ZNF778: variants seen among roughly 807,000 people sequenced by gnomAD.
ZNF778 encodes zinc finger protein 778.
Under a neutral mutation model 23.9 loss-of-function variants are expected in ZNF778, and 37 were observed. The ratio of observed to expected loss-of-function variants is 1.54; its 90% CI spans 1.19 to 2.03. ZNF778 has a LOEUF of 2.03. Ranked by LOEUF, ZNF778 falls within the 30% of genes most tolerant of loss-of-function variation. The pLI is 0.00. For missense variants in ZNF778, 1,297 were observed against 934.4 expected (o/e 1.39, Z -5.06); for synonymous variants, 483 against 343.9 (o/e 1.40, Z -4.48).
rs751738865 is a variant in ZNF778 at position 89,232,844 on chromosome 16, C to G, written c.*4282C>G. The G allele has an allele frequency of 1.6e-6, 2 of 1,288,942 alleles. No individual in the cohort carries two copies. The highest frequency in any genetic ancestry group is 3.0e-5 in the African/African-American group (2 of 65,778). 79.8% of individuals were successfully genotyped at this position (1,288,942 alleles called of 1,614,324 possible). A position where few individuals can be genotyped will look rare whatever the true frequency, so the allele number is the denominator to read the frequency against. ...CTCACACCGTATATGCAACTCAACT[C>G]ACACCGTGTATGCAAATCAACTCGC... On this transcript the variant is annotated 3_prime_UTR_variant, in exon 7 of 7. Coordinates refer to ENST00000433976, the MANE Select transcript of ZNF778 (RefSeq NM_001201407.2).
Position 89,227,564 on chromosome 16 carries a change from T to G in ZNF778, c.1276T>G (p.Cys426Gly), listed in dbSNP as rs778574928. ...AATAAAACCCTATACATGCAGCTAC[T>G]GTGGGAAGGCCTTCACTGTGCGCTG... ...TGIKPYTCSY[C>G]GKAFTVRCGL... Residue 426 changes from cysteine (C) to glycine (G), a missense_variant, in exon 7 of 7, where the codon TGT (cysteine) becomes GGT (glycine). Cys to Gly is a radical substitution (Grantham distance 159). Transcript: ENST00000433976. 1 of 1,614,196 alleles carries G rather than the reference T, an allele frequency of 6.2e-7. No individual in the cohort carries two copies. The highest frequency in any genetic ancestry group is 1.7e-5 in the Admixed American group (1 of 60,030).
intron 2 of ZNF778, 135 bp from the exon 3 acceptor site, chr16:89,221,957 G>C (rs757912490): frequency 1.9e-5 from 11 of 572,712 alleles, no homozygotes; most frequent in African/African-American, 3.8e-5. Context: ...CTGTATATCT[G>C]TGTGTGTGCG....
chr16:89,233,001 C>T lies in ZNF778; in HGVS notation c.*4439C>T, dbSNP rs986806722. 2.4e-6 allele frequency: 3 copies of T among 1,267,740 alleles called. No homozygotes were observed. The allele number at this position is 1,267,740 out of a possible 1,614,324, so 78.5% of individuals were successfully genotyped here. ...AGCTCGCTCTGCGTATGCAACCCAGCTCGCTCTGCGTATGCAACTCAAGTC... is the reference window on the plus strand; with the variant it reads ...AGCTCGCTCTGCGTATGCAACCCAGTTCGCTCTGCGTATGCAACTCAAGTC... On this transcript the variant is annotated 3_prime_UTR_variant, in exon 7 of 7. Coordinates refer to ENST00000433976, the MANE Select transcript of ZNF778 (RefSeq NM_001201407.2).
chr16:89,222,303 G>A (rs556535861), intron 3 of ZNF778, 120 bp downstream of exon 3: 21 of 585,686 alleles, frequency 3.6e-5, no homozygotes, highest in Middle Eastern at 4.5e-4. Context: ...CTAGTTGAAC[G>A]CCTCCAGGGA....
At position 89,225,429 on chromosome 16, in the gene ZNF778, C is replaced by T. The variant is rs1330492979; in HGVS notation, c.329-126C>T. The T allele has an allele frequency of 4.2e-6, 3 of 707,938 alleles. No individual in the cohort carries two copies. In the African/African-American group the frequency reaches 5.4e-5, roughly 13 times the overall value. The allele number at this position is 707,938 out of a possible 1,614,324, so 43.9% of individuals were successfully genotyped here. ...ATTATGACTCCCAGTTCCTATGATT[C>T]CAAATTTTACACATAGCCAAACTCC... On this transcript the variant is annotated intron_variant, in intron 5 of 6. Coordinates refer to ENST00000433976, the MANE Select transcript of ZNF778 (RefSeq NM_001201407.2).
intron 1 of ZNF778, chr16:89,218,456 C>T (rs559217802): frequency 6.6e-6 from 1 of 152,208 alleles, no homozygotes; most frequent in Non-Finnish European, 1.5e-5. Context: ...AGGGTAAGGA[C>T]ATTATCCTAC....
chr16:89,235,001 C>T lies in ZNF778; in HGVS notation c.*6439C>T, dbSNP rs1420028890. On this transcript the variant is annotated 3_prime_UTR_variant, in exon 7 of 7. Transcript: ENST00000433976. ...ATCTTCATCAGAAATTTCTTTTCTCCTAAGGCCTTAAATATGCTGTACTAT... is the reference window on the plus strand; with the variant it reads ...ATCTTCATCAGAAATTTCTTTTCTCTTAAGGCCTTAAATATGCTGTACTAT... 1 of 152,150 alleles carries T rather than the reference C, an allele frequency of 6.6e-6. No homozygotes were observed. Among genetic ancestry groups the T allele is most frequent in the African/African-American group, 2.4e-5 (1 of 41,434 alleles). The allele number at this position is 152,150 out of a possible 1,614,324, so 9.4% of individuals were successfully genotyped here.
Position 89,236,383 on chromosome 16 carries a change from A to G in ZNF778, c.*7821A>G, listed in dbSNP as rs2032237107. The G allele has an allele frequency of 6.6e-6, 1 of 152,232 alleles. No homozygotes were observed. Among genetic ancestry groups the G allele is most frequent in the Non-Finnish European group, 1.5e-5 (1 of 68,046 alleles). The allele number at this position is 152,232 out of a possible 1,614,324, so 9.4% of individuals were successfully genotyped here. On this transcript the variant is annotated 3_prime_UTR_variant, in exon 7 of 7. Coordinates refer to ENST00000433976, the MANE Select transcript of ZNF778 (RefSeq NM_001201407.2). ...AAGTTCTGAAATAAAAAGAAATGCC[A>G]ACCCAGATTGCTATATCCAACAAAA...
Position 89,232,852 on chromosome 16 carries a change from G to T in ZNF778, c.*4290G>T, listed in dbSNP as rs1423690040. 1 of 1,288,752 alleles carries T rather than the reference G, an allele frequency of 7.8e-7. No homozygotes were observed. Among genetic ancestry groups the T allele is most frequent in the Non-Finnish European group, 1.0e-6 (1 of 988,494 alleles). 79.8% of individuals were successfully genotyped at this position (1,288,752 alleles called of 1,614,324 possible). On this transcript the variant is annotated 3_prime_UTR_variant, in exon 7 of 7. Coordinates refer to ENST00000433976, the MANE Select transcript of ZNF778 (RefSeq NM_001201407.2). ...GTATATGCAACTCAACTCACACCGT[G>T]TATGCAAATCAACTCGCACTGCGTA...
chr16:89,220,949 G>A (rs1480658350), intron 1 of ZNF778, 48 bp from the exon 2 acceptor site: 6 of 637,396 alleles, frequency 9.4e-6, no homozygotes, highest in African/African-American at 5.5e-5. Context: ...AAGCTAATGC[G>A]TGAGGTTTGA....
In ZNF778 at chr16:89,237,092, G is replaced by C. The variant is rs1567518700; in HGVS notation, c.*8530G>C. The C allele has an allele frequency of 6.7e-6, 1 of 148,992 alleles. No individual in the cohort carries two copies. Among genetic ancestry groups the C allele is most frequent in the African/African-American group, 2.5e-5 (1 of 40,458 alleles). The allele number at this position is 148,992 out of a possible 1,614,324, so 9.2% of individuals were successfully genotyped here. A position where few individuals can be genotyped will look rare whatever the true frequency, so the allele number is the denominator to read the frequency against. On this transcript the variant is annotated 3_prime_UTR_variant, in exon 7 of 7. Transcript: ENST00000433976. ...TGTCTAAAAAAAAAAAGGACAATGA[G>C]ATATACTAAAATGGTCCAATATGTT...
At chr16:89,226,668 G>A in intron 6 of ZNF778, 26 bp from the exon 7 acceptor site, 1 of 1,586,922 alleles carries the variant, frequency 6.3e-7, no homozygotes, top group Non-Finnish European at 8.6e-7. Context: ...GTAACCCCCT[G>A]ACCACCACTC....
rs1259581139 is a variant in ZNF778 at position 89,232,034 on chromosome 16, T to C, written c.*3472T>C. ...AAAGTGATTTTCTTGAGTAATACCA[T>C]ATGCTGTGATGTGGATGTGATTGGT... On this transcript the variant is annotated 3_prime_UTR_variant, in exon 7 of 7. Coordinates refer to ENST00000433976, the MANE Select transcript of ZNF778 (RefSeq NM_001201407.2). 6.5e-6 allele frequency: 1 copy of C among 154,262 alleles called. No individual in the cohort carries two copies. The highest frequency in any genetic ancestry group is 1.4e-5 in the Non-Finnish European group (1 of 69,396). 9.6% of individuals were successfully genotyped at this position (154,262 alleles called of 1,614,324 possible).
intron 4 of ZNF778, among the ~76,000 whole-genome samples, chr16:89,223,820 G>C (rs2031197060): frequency 6.6e-6 from 1 of 152,136 alleles, no homozygotes; most frequent in Non-Finnish European, 1.5e-5. Flanking sequence ...TAGAAATGTA[G>C]TTCCTGGCAT....
chr16:89,224,909 G>T, intron 5 of ZNF778, 107 bp downstream of exon 5: 1 of 786,992 alleles, frequency 1.3e-6, no homozygotes, highest in African/African-American at 1.7e-5. Context: ...TTAAGCGGCT[G>T]TGGGAGGATC....
Position 89,222,907 on chromosome 16 carries a change from GAC to G in ZNF778, c.118-248_118-247del, listed in dbSNP as rs200850266. ...TGCGGCCGTGTGACTGGAGGAGAGC[GAC>G]AGGGTGCGCGTGACTGGAGGAGCGC... On this transcript the variant is annotated intron_variant, in intron 3 of 6. Coordinates refer to ENST00000433976, the MANE Select transcript of ZNF778 (RefSeq NM_001201407.2). Among the ~76,000 whole-genome samples the G allele has an allele frequency of 3.3e-4, 16 of 49,110 alleles. 1 individual carries two copies. In the Admixed American group the frequency reaches 5.1e-3, roughly 16 times the overall value. 32.2% of individuals were successfully genotyped at this position (49,110 alleles called of 152,430 possible).
In ZNF778 at chr16:89,230,103, T is replaced by A; in HGVS notation, c.*1541T>A. On this transcript the variant is annotated 3_prime_UTR_variant, in exon 7 of 7. Transcript: ENST00000433976. ...CATGCTCTTAGGCATGACCCACCTG[T>A]AGGGTCCCACACTGGCCAATGTTGG... The A allele has an allele frequency of 2.3e-6, 2 of 886,248 alleles. No individual in the cohort carries two copies. The highest frequency in any genetic ancestry group is 2.7e-6 in the Non-Finnish European group (2 of 740,198). The allele number at this position is 886,248 out of a possible 1,614,324, so 54.9% of individuals were successfully genotyped here.
In ZNF778 at chr16:89,221,008, C is replaced by A; in HGVS notation, c.-120C>A. 9.3e-7 allele frequency: 1 copy of A among 1,072,314 alleles called. No homozygotes were observed. Among genetic ancestry groups the A allele is most frequent in the Non-Finnish European group, 1.4e-6 (1 of 729,872 alleles). The allele number at this position is 1,072,314 out of a possible 1,614,324, so 66.4% of individuals were successfully genotyped here. On this transcript the variant is annotated 5_prime_UTR_variant, in exon 2 of 7. Coordinates refer to ENST00000433976, the MANE Select transcript of ZNF778 (RefSeq NM_001201407.2). Reference sequence around the variant, plus strand: ...ATCATGATTGCTAGGAAATAGGGATCCAGCCATCCGTGGGTCAGGAGGAAT... The same window carrying A: ...ATCATGATTGCTAGGAAATAGGGATACAGCCATCCGTGGGTCAGGAGGAAT...
Position 89,231,843 on chromosome 16 carries a change from C to T in ZNF778, c.*3281C>T, listed in dbSNP as rs1022033684. On this transcript the variant is annotated 3_prime_UTR_variant, in exon 7 of 7. Transcript: ENST00000433976. ...AGCTTTCCATCTCATCTCCTTACTC[C>T]CTTGACTTGGCTTCACACAGAGCCT... is the stretch of plus-strand genomic sequence containing the variant. 8.5e-5 allele frequency: 13 copies of T among 152,248 alleles called. No homozygotes were observed. Among genetic ancestry groups the T allele is most frequent in the African/African-American group, 2.2e-4 (9 of 41,438 alleles). The allele number at this position is 152,248 out of a possible 1,614,324, so 9.4% of individuals were successfully genotyped here.
Sources: allele counts gnomAD v4.1 joint callset (sites outside exome capture counted in the v4.1 genomes callset), GRCh38; gene constraint gnomAD v4.1.1; transcripts MANE v1.5; gene names NCBI Gene and HGNC (gene_info 2026-07-23, HGNC 2026-07-21).